Variants in CNTN4 observed in about 807,000 individuals in gnomAD.
CNTN4 encodes the protein contactin-4.
In CNTN4, 77 loss-of-function variants were observed where a neutral mutation model predicts 122.5. The ratio of observed to expected loss-of-function variants is 0.63; its 90% CI spans 0.52 to 0.76. The LOEUF (loss-of-function observed/expected upper bound fraction) is 0.76. Among genes scored for constraint, CNTN4 ranks in the 30% least tolerant of loss-of-function variants. The pLI is 0.00. For synonymous variants in CNTN4, 512 were observed against 447.0 expected (o/e 1.15, Z -1.83); for missense variants, 1,256 against 1,259.1 (o/e 1.00, Z 0.04).
At chr3:2,374,279 G>A (rs1171212752) in intron 3 of CNTN4, among the ~76,000 whole-genome samples, 2 of 152,152 alleles carry the variant, frequency 1.3e-5, no homozygotes, top group Admixed American at 6.5e-5. Flanking sequence ...GGATACTACA[G>A]GTTGTCTCTG....
At chr3:2,654,204 A>T (rs2083481346) in intron 4 of CNTN4, among the ~76,000 whole-genome samples, 1 of 152,152 alleles carries the variant, frequency 6.6e-6, no homozygotes, top group Non-Finnish European at 1.5e-5. Context: ...AATACCATTG[A>T]AAAAAAGAGT....
intron 3 of CNTN4, among the ~76,000 whole-genome samples, chr3:2,429,484 C>T (rs543235387): frequency 3.2e-4 from 49 of 152,316 alleles, no homozygotes; most frequent in African/African-American, 1.1e-3. Context: ...AGGTGTCAGT[C>T]GGCCCCTACT....
intron 4 of CNTN4, among the ~76,000 whole-genome samples, chr3:2,604,218 G>A (rs1281952730): frequency 6.6e-6 from 1 of 152,114 alleles, no homozygotes; most frequent in Non-Finnish European, 1.5e-5. Flanking sequence ...CTCTTAGTGT[G>A]TCTGAGCTTC....
intron 3 of CNTN4, among the ~76,000 whole-genome samples, chr3:2,504,650 T>C (rs939049795): frequency 2.0e-5 from 3 of 149,646 alleles, no homozygotes; most frequent in African/African-American, 7.7e-5. Context: ...TGCTTCCAAA[T>C]ATTATTGACA....
chr3:2,879,702 G>T (rs2093885082), intron 8 of CNTN4, among the ~76,000 whole-genome samples: 1 of 152,162 alleles, frequency 6.6e-6, no homozygotes, highest in African/African-American at 2.4e-5. Context: ...TGGGAATGGG[G>T]ATTCATTGTG....
At chr3:2,470,384 A>AT (rs1486224337) in intron 3 of CNTN4, among the ~76,000 whole-genome samples, 1 of 152,068 alleles carries the variant, frequency 6.6e-6, no homozygotes, top group Non-Finnish European at 1.5e-5. Context: ...CATGTTGCTT[A>AT]TTTTTATAAA....
rs997513903 is a variant in CNTN4 at position 2,835,235 on chromosome 3, C to A, written c.454+15654C>A. 2.6e-5 allele frequency among the ~76,000 whole-genome samples: 4 copies of A among 152,052 alleles called. No individual in the cohort carries two copies. The South Asian group carries it at 8.3e-4, about 32-fold the overall frequency. ...AGGCAATTTTTATTATTAAAATACA[C>A]AAACCACAATGAAGACATTCCATTT... On this transcript the variant is annotated intron_variant, in intron 7 of 24. Coordinates refer to ENST00000418658, the MANE Select transcript of CNTN4 (RefSeq NM_175607.3).
chr3:2,916,449 C>A (rs2094356386), intron 12 of CNTN4, among the ~76,000 whole-genome samples: 2 of 149,674 alleles, frequency 1.3e-5, no homozygotes, highest in East Asian at 4.0e-4. Flanking sequence ...CAAAGCACAT[C>A]TTGCACCGCC....
intron 2 of CNTN4, among the ~76,000 whole-genome samples, chr3:2,249,510 G>T (rs1282346744): frequency 3.9e-5 from 6 of 151,924 alleles, no homozygotes; most frequent in Non-Finnish European, 7.4e-5. Flanking sequence ...CTTATTTTTG[G>T]TTATAGAATG....
intron 3 of CNTN4, among the ~76,000 whole-genome samples, chr3:2,522,146 AGTTTGTGTGTGT>A (rs199696413): frequency 0.088 from 11,803 of 134,486 alleles, 904 homozygotes; most frequent in East Asian, 0.37. Context: ...CTGCCTAAGC[AGTTTGTGTGTGT>A]GTGTGTGTGT....
intron 4 of CNTN4, among the ~76,000 whole-genome samples, chr3:2,689,135 C>G (rs1052932879): frequency 6.6e-6 from 1 of 152,192 alleles, no homozygotes; most frequent in African/African-American, 2.4e-5. Context: ...GACTGCCAAC[C>G]TCCATCCAGT....
At chr3:2,645,093 C>T (rs2619574) in intron 4 of CNTN4, among the ~76,000 whole-genome samples, 107,352 of 151,690 alleles carry the variant, frequency 0.71, 38,661 homozygotes, top group African/African-American at 0.83. Context: ...ACTGGCACAC[C>T]TTACCTATCT....
intron 2 of CNTN4, among the ~76,000 whole-genome samples, chr3:2,238,587 C>A: frequency 6.6e-6 from 1 of 151,552 alleles, no homozygotes; most frequent in East Asian, 1.9e-4. Context: ...ATTTATTTGG[C>A]TTTAAATATT....
intron 3 of CNTN4, among the ~76,000 whole-genome samples, chr3:2,426,322 T>C (rs2047831530): frequency 6.6e-6 from 1 of 152,218 alleles, no homozygotes; most frequent in Admixed American, 6.5e-5. Flanking sequence ...TCTATTGAGA[T>C]AATCATGTGG....
At chr3:2,328,411 A>C (rs985605747) in intron 2 of CNTN4, among the ~76,000 whole-genome samples, 13 of 152,206 alleles carry the variant, frequency 8.5e-5, no homozygotes, top group Non-Finnish European at 1.8e-4. Context: ...GTCTCAAAAA[A>C]TAAAAAAATA....
chr3:2,170,068 T>C (rs940109551), intron 2 of CNTN4, among the ~76,000 whole-genome samples: 3 of 151,990 alleles, frequency 2.0e-5, no homozygotes, highest in Non-Finnish European at 4.4e-5. Flanking sequence ...ACGCCTGTAA[T>C]CCCAGCACTT....
chr3:2,340,460 AAC>A (rs1200145968), intron 3 of CNTN4, among the ~76,000 whole-genome samples: 5 of 151,572 alleles, frequency 3.3e-5, no homozygotes, highest in Non-Finnish European at 7.4e-5. Flanking sequence ...TCAGATTTTT[AAC>A]ACCCTCAGTT....
At chr3:2,607,610 C>CCACACACACACACACA (rs61707029) in intron 4 of CNTN4, among the ~76,000 whole-genome samples, 3,077 of 145,420 alleles carry the variant, frequency 0.021, 50 homozygotes, top group African/African-American at 0.039. Flanking sequence ...ACATATGCAT[C>CCACACACACACACACA]CACACACACA....
chr3:2,860,055 A>G (rs1172024730), intron 7 of CNTN4, among the ~76,000 whole-genome samples: 1 of 152,236 alleles, frequency 6.6e-6, no homozygotes, highest in Non-Finnish European at 1.5e-5. Context: ...AGCATGTACT[A>G]AAAATATCTT....
Sources: gnomAD v4.1 joint callset for allele counts (sites outside exome capture counted in the v4.1 genomes callset) on GRCh38, gnomAD v4.1.1 for gene constraint, MANE v1.5 for transcripts, NCBI Gene and HGNC (gene_info 2026-07-23, HGNC 2026-07-21) for gene names.